The following PCDH10 variants were observed in gnomAD, a reference collection of about 807,000 sequenced individuals.
PCDH10 encodes the protein protocadherin 10.
PCDH10 carries 15 observed loss-of-function variants against 74.4 expected under a neutral mutation model. That is an observed-to-expected ratio of 0.20 (90% CI 0.13 to 0.31). The LOEUF (loss-of-function observed/expected upper bound fraction) is 0.31, where lower values mean the gene tolerates loss of function less well. Ranked by LOEUF, PCDH10 falls within the 10% of genes least tolerant of loss-of-function variation. The probability of loss-of-function intolerance (pLI) is 1.00; values close to 1 mark genes in which losing one functional copy is unlikely to be tolerated. For missense variants in PCDH10, 1,260 were observed against 1,390.2 expected (o/e 0.91, Z 1.49); for synonymous variants, 619 against 589.8 (o/e 1.05, Z -0.72).
intron 4 of PCDH10, among the ~76,000 whole-genome samples, chr4:133,164,928 T>C (rs1055604464): frequency 1.3e-5 from 2 of 148,664 alleles, no homozygotes; most frequent in African/African-American, 4.9e-5. Flanking sequence ...TTTTAATTAT[T>C]TGCTCATTTT....
At position 133,150,576 on chromosome 4, in the gene PCDH10, G is replaced by A; in HGVS notation, c.436G>A (p.Ala146Thr). 1 of 1,613,700 alleles carries A rather than the reference G, an allele frequency of 6.2e-7. No individual in the cohort carries two copies. The highest frequency in any genetic ancestry group is 8.5e-7 in the Non-Finnish European group (1 of 1,179,996). The change falls in exon 1 of 5, where the codon GCA becomes ACA. Residue 146 changes from alanine to threonine, a missense_variant. Physicochemically the swap from Ala to Thr is moderately conservative, Grantham distance 58 (BLOSUM62 0). Around this residue, in one of 11 missense-constraint regions of PCDH10, gnomAD observed 63 missense variants for 100.7 expected, o/e 0.63. Coordinates refer to ENST00000264360, the MANE Select transcript of PCDH10 (RefSeq NM_032961.3). ...TPGTRFPLES[A>T]FDPDVGTNSL... ...AGGCACTCGCTTCCCCTTGGAGAGCGCATTCGACCCAGACGTGGGCACCAA... is the reference window on the plus strand; with the variant it reads ...AGGCACTCGCTTCCCCTTGGAGAGCACATTCGACCCAGACGTGGGCACCAA...
chr4:133,179,919 G>T (rs1360988190), intron 4 of PCDH10, among the ~76,000 whole-genome samples: 1 of 151,724 alleles, frequency 6.6e-6, no homozygotes, highest in African/African-American at 2.4e-5. Flanking sequence ...CCTCTACCCT[G>T]ACTTAGATAA....
chr4:133,181,503 AC>A (rs1323543463), intron 4 of PCDH10, among the ~76,000 whole-genome samples: 1 of 152,084 alleles, frequency 6.6e-6, no homozygotes, highest in Non-Finnish European at 1.5e-5. Context: ...AATACTTAGC[AC>A]CCAAATATTC....
At chr4:133,153,258 T>C in intron 1 of PCDH10, 5 of 1,012,448 alleles carry the variant, frequency 4.9e-6, no homozygotes, top group Non-Finnish European at 6.0e-6. Context: ...TACACAGTTG[T>C]CTAACCTCGA....
chr4:133,175,379 A>G (rs1381060353), intron 4 of PCDH10, among the ~76,000 whole-genome samples: 1 of 151,480 alleles, frequency 6.6e-6, no homozygotes, highest in Admixed American at 6.6e-5. Flanking sequence ...CATTCAAGAA[A>G]ACTCGTTGTT....
Position 133,150,944 on chromosome 4 carries a change from C to G in PCDH10, c.804C>G (p.Leu268=), listed in dbSNP as rs765513404. 10 of 1,613,842 alleles carry G rather than the reference C, an allele frequency of 6.2e-6. No individual in the cohort carries two copies. Among genetic ancestry groups the G allele is most frequent in the Non-Finnish European group, 7.6e-6 (9 of 1,180,048 alleles). ...CAGAGAACTCTCCCCCAGGCACTCT[C>G]GTGATCCAGCTCAACGCCACCGACC... ...SLPENSPPGT[L]VIQLNATDPD... The change falls in exon 1 of 5, where the codon CTC becomes CTG. Residue 268 remains leucine, a synonymous_variant. Transcript: ENST00000264360.
intron 3 of PCDH10, among the ~76,000 whole-genome samples, chr4:133,159,160 T>C (rs943314647): frequency 3.3e-5 from 5 of 152,078 alleles, no homozygotes; most frequent in Non-Finnish European, 7.4e-5. Flanking sequence ...GAATGAAAGC[T>C]TGTTGCACAA....
At chr4:133,171,210 C>T (rs990700018) in intron 4 of PCDH10, among the ~76,000 whole-genome samples, 1 of 151,996 alleles carries the variant, frequency 6.6e-6, no homozygotes, top group Non-Finnish European at 1.5e-5. Flanking sequence ...GTTTGATATT[C>T]ATCATATATT....
Position 133,154,310 on chromosome 4 carries a change from A to G in PCDH10, c.2635A>G (p.Lys879Glu). The change falls in exon 2 of 5, where the codon AAA becomes GAA. Residue 879 changes from lysine to glutamate, a missense_variant. By Grantham distance (56) the Lys-to-Glu change is moderately conservative. Transcript: ENST00000264360. Reference sequence around the variant, plus strand: ...GATTTATTTATTTTTTTCCTAGACTAAACACCAGCGAGCAGAGCTCAGCTA... The same window carrying G: ...GATTTATTTATTTTTTTCCTAGACTGAACACCAGCGAGCAGAGCTCAGCTA... Reference protein sequence around the residue: ...SNGSILSNETKHQRAELSYLV... With the variant: ...SNGSILSNETEHQRAELSYLV... 1 of 1,606,200 alleles carries G rather than the reference A, an allele frequency of 6.2e-7. No homozygotes were observed. The highest frequency in any genetic ancestry group is 8.5e-7 in the Non-Finnish European group (1 of 1,175,310).
intron 3 of PCDH10, among the ~76,000 whole-genome samples, chr4:133,155,723 G>A (rs2125860535): frequency 6.6e-6 from 1 of 152,106 alleles, no homozygotes; most frequent in Middle Eastern, 3.4e-3. Context: ...GTCACTGATA[G>A]GTTTCAATGT....
Position 133,165,269 on chromosome 4 carries a change from T to G in PCDH10, c.3103+1987T>G, listed in dbSNP as rs929068807. The stretch of plus-strand genomic sequence containing the variant: ...TTGTTTTCACTTCTGCTCTTCTTAG[T>G]TCTTCATACGACTTTAATCATGTCT... On this transcript the variant is annotated intron_variant, in intron 4 of 4. Coordinates refer to ENST00000264360, the MANE Select transcript of PCDH10 (RefSeq NM_032961.3). Among the ~76,000 whole-genome samples, 16 of 149,976 alleles carry G rather than the reference T, an allele frequency of 1.1e-4. No individual in the cohort carries two copies. The East Asian group carries it at 2.6e-3, about 24-fold the overall frequency.
intron 4 of PCDH10, among the ~76,000 whole-genome samples, chr4:133,164,892 A>T (rs1727045641): frequency 6.7e-6 from 1 of 150,116 alleles, no homozygotes; most frequent in Non-Finnish European, 1.5e-5. Flanking sequence ...AATCAAAAGA[A>T]TGCATCTATT....
chr4:133,154,082 AT>A (rs549307033), intron 1 of PCDH10, among the ~76,000 whole-genome samples: 23 of 151,590 alleles, frequency 1.5e-4, no homozygotes, highest in Admixed American at 1.1e-3. Context: ...AAGTTAGCCA[AT>A]TTTTTTTTAA....
At chr4:133,184,780 AT>A (rs1560714314) in intron 4 of PCDH10, among the ~76,000 whole-genome samples, 3 of 138,492 alleles carry the variant, frequency 2.2e-5, no homozygotes, top group African/African-American at 8.0e-5. Flanking sequence ...ATAAATATAT[AT>A]ATAAATATAT....
rs1377435088 is a variant in PCDH10, at chr4:133,190,351, A to G, written c.*191A>G. 1.6e-6 allele frequency: 1 copy of G among 626,980 alleles called. No homozygotes were observed. Among genetic ancestry groups the G allele is most frequent in the Non-Finnish European group, 2.9e-6 (1 of 344,728 alleles). 38.8% of individuals were successfully genotyped at this position (626,980 alleles called of 1,614,324 possible). On this transcript the variant is annotated 3_prime_UTR_variant, in exon 5 of 5. Coordinates refer to ENST00000264360, the MANE Select transcript of PCDH10 (RefSeq NM_032961.3). The stretch of plus-strand genomic sequence containing the variant: ...CAGCAGGCCTGAGAAATGAGTTGAA[A>G]TGTGCAGAACTGTAGAAACTTTAGA...
At chr4:133,196,989 G>A (rs1265323487), downstream of PCDH10, among the ~76,000 whole-genome samples, 1 of 152,108 alleles carries the variant, frequency 6.6e-6, no homozygotes, top group Non-Finnish European at 1.5e-5. Context: ...TCTAAGCAGT[G>A]CAAATTTCAA....
intron 2 of PCDH10, among the ~76,000 whole-genome samples, chr4:133,204,721 C>T (rs1727968108): frequency 6.6e-6 from 1 of 152,124 alleles, no homozygotes; most frequent in African/African-American, 2.4e-5. Context: ...TTGTACCATC[C>T]TTTAAGAGGT....
rs6835333 is a variant in PCDH10 at position 133,192,264 on chromosome 4, A to G, written c.*2104A>G. 1.2e-3 allele frequency: 179 copies of G among 151,792 alleles called. 1 individual carries two copies. The highest frequency in any genetic ancestry group is 4.2e-3 in the African/African-American group (175 of 41,548). The allele number at this position is 151,792 out of a possible 1,614,324, so 9.4% of individuals were successfully genotyped here. On this transcript the variant is annotated 3_prime_UTR_variant, in exon 5 of 5. Coordinates refer to ENST00000264360, the MANE Select transcript of PCDH10 (RefSeq NM_032961.3). ...AATATTTTGAATGATAGACTATTTT[A>G]GTAAGGAAATGTTTATACATAATTT...
At chr4:133,200,304 T>C (rs1021284461) in intron 2 of PCDH10, among the ~76,000 whole-genome samples, 9 of 152,010 alleles carry the variant, frequency 5.9e-5, no homozygotes, top group African/African-American at 9.7e-5. Context: ...CTAGTATATG[T>C]ACCAAAATTA....
Sources: gnomAD v4.1 joint callset for allele counts (sites outside exome capture counted in the v4.1 genomes callset) on GRCh38, gnomAD v4.1.1 for gene constraint, gnomAD v4.1.1 regional missense constraint, MANE v1.5 for transcripts, NCBI Gene and HGNC (gene_info 2026-07-23, HGNC 2026-07-21) for gene names.